Variants in JRK observed in about 807,000 individuals in gnomAD.
JRK encodes Jrk helix-turn-helix protein, also known as jerky protein homolog.
For missense variants in JRK, 720 were observed against 509.2 expected (o/e 1.41, Z -3.98); for synonymous variants, 303 against 218.1 (o/e 1.39, Z -3.43).
the JRK span, among the ~76,000 whole-genome samples, chr8:142,645,704 T>G: frequency 2.1e-4 from 31 of 151,134 alleles, no homozygotes; most frequent in African/African-American, 7.5e-4. Flanking sequence ...TATATATACA[T>G]CCTCTTACTG....
At chr8:142,654,183 C>T (rs1237983887), downstream of JRK, among the ~76,000 whole-genome samples, 1 of 152,118 alleles carries the variant, frequency 6.6e-6, no homozygotes, top group Non-Finnish European at 1.5e-5. Context: ...TGTGGCCCAG[C>T]CCAGAGCACC....
chr8:142,660,422 G>A lies in JRK; in HGVS notation c.*3930C>T, dbSNP rs1554634331. ...CACATTTTGTTATTTTTTGTTTTTA[G>A]AGATTAGGTCTCTCACTCTGTCACC... On this transcript the variant is annotated 3_prime_UTR_variant, in exon 2 of 2. Coordinates refer to ENST00000612905, the MANE Select transcript of JRK (RefSeq NM_003724.4). 2 of 985,134 alleles carry A rather than the reference G, an allele frequency of 2.0e-6. No individual in the cohort carries two copies. The highest frequency in any genetic ancestry group is 1.2e-6 in the Non-Finnish European group (1 of 829,828). 61.0% of individuals were successfully genotyped at this position (985,134 alleles called of 1,614,324 possible).
At chr8:142,669,187 T>TGC (rs1563800109) in intron 1 of JRK, among the ~76,000 whole-genome samples, 1 of 128,800 alleles carries the variant, frequency 7.8e-6, no homozygotes, top group Non-Finnish European at 1.7e-5. Context: ...TGTGTGTGTG[T>TGC]GTGTGTGTGT....
the JRK span, among the ~76,000 whole-genome samples, chr8:142,645,250 A>C: frequency 6.6e-6 from 1 of 152,240 alleles, no homozygotes; most frequent in African/African-American, 2.4e-5. Context: ...CAAGTACTTT[A>C]AATGCGCACA....
At chr8:142,668,550 G>T (rs1847203629) in intron 1 of JRK, among the ~76,000 whole-genome samples, 1 of 150,740 alleles carries the variant, frequency 6.6e-6, no homozygotes, top group Admixed American at 6.6e-5. Context: ...TAGAAAAACT[G>T]GGGGAGACAC....
rs1044621960 is a variant in JRK, at chr8:142,661,120, T to C, written c.*3232A>G. 17 of 985,370 alleles carry C rather than the reference T, an allele frequency of 1.7e-5. No homozygotes were observed. Among genetic ancestry groups the C allele is most frequent in the African/African-American group, 5.2e-5 (3 of 57,232 alleles). 61.0% of individuals were successfully genotyped at this position (985,370 alleles called of 1,614,324 possible). On this transcript the variant is annotated 3_prime_UTR_variant, in exon 2 of 2. Coordinates refer to ENST00000612905, the MANE Select transcript of JRK (RefSeq NM_003724.4). ...CATGGCTGAGCACGAATGAAGCATATGGAAGTCACGCACAGACAGGCCCAG... is the reference window on the plus strand; with the variant it reads ...CATGGCTGAGCACGAATGAAGCATACGGAAGTCACGCACAGACAGGCCCAG...
downstream of JRK, among the ~76,000 whole-genome samples, chr8:142,657,117 C>A (rs1046442585): frequency 1.3e-5 from 2 of 152,224 alleles, no homozygotes; most frequent in Non-Finnish European, 2.9e-5. Flanking sequence ...CTTACAGAAA[C>A]TGGAGGAGCT....
In JRK at chr8:142,659,978, A is replaced by G; in HGVS notation, c.*4374T>C. On this transcript the variant is annotated 3_prime_UTR_variant, in exon 2 of 2. Coordinates refer to ENST00000612905, the MANE Select transcript of JRK (RefSeq NM_003724.4). ...GTCCATGTGTAGAAGCAGAGGCCAG[A>G]GCTGACACCACATGGGCAAAGGAGT... The G allele has an allele frequency of 1.0e-6, 1 of 985,602 alleles. No homozygotes were observed. Among genetic ancestry groups the G allele is most frequent in the Non-Finnish European group, 1.2e-6 (1 of 830,010 alleles). 61.1% of individuals were successfully genotyped at this position (985,602 alleles called of 1,614,324 possible).
At position 142,660,119 on chromosome 8, in the gene JRK, G is replaced by A. The variant is rs73714644; in HGVS notation, c.*4233C>T. 648 of 985,580 alleles carry A rather than the reference G, an allele frequency of 6.6e-4. 1 individual carries two copies. In the African/African-American group the frequency reaches 0.01, roughly 16 times the overall value. 61.1% of individuals were successfully genotyped at this position (985,580 alleles called of 1,614,324 possible). A position where few individuals can be genotyped will look rare whatever the true frequency, so the allele number is the denominator to read the frequency against. ...GTCTACAAGAGCTGGGCAGGGAAGA[G>A]GACAAACAAGGTCTCACAGGTCCAT... On this transcript the variant is annotated 3_prime_UTR_variant, in exon 2 of 2. Coordinates refer to ENST00000612905, the MANE Select transcript of JRK (RefSeq NM_003724.4).
chr8:142,647,254 T>G, the JRK span, among the ~76,000 whole-genome samples: 25 of 152,208 alleles, frequency 1.6e-4, 1 homozygote, highest in South Asian at 5.2e-3. Context: ...GCTTTTACAG[T>G]GCACTTAAAA....
Position 142,666,340 on chromosome 8 carries a change from T to TGA in JRK, c.-284_-283dup. On this transcript the variant is annotated 5_prime_UTR_variant, in exon 2 of 2. Transcript: ENST00000612905. ...CTGCCAATTCTCTCTGTGGAGGAGGTGACCCTGTCAGACTCCCCTCTGCTG... is the reference window on the plus strand; with the variant it reads ...CTGCCAATTCTCTCTGTGGAGGAGGTGAGACCCTGTCAGACTCCCCTCTGCTG... 1.9e-6 allele frequency: 1 copy of TGA among 537,670 alleles called. No homozygotes were observed. Among genetic ancestry groups the TGA allele is most frequent in the Non-Finnish European group, 3.5e-6 (1 of 288,010 alleles). 33.3% of individuals were successfully genotyped at this position (537,670 alleles called of 1,614,324 possible).
rs1314876067 is a variant in JRK at position 142,662,884 on chromosome 8, GTGCTGTGGCT to G, written c.*1458_*1467del. 1 of 984,228 alleles carries G rather than the reference GTGCTGTGGCT, an allele frequency of 1.0e-6. No homozygotes were observed. The highest frequency in any genetic ancestry group is 1.2e-6 in the Non-Finnish European group (1 of 828,928). The allele number at this position is 984,228 out of a possible 1,614,324, so 61.0% of individuals were successfully genotyped here. A position where few individuals can be genotyped will look rare whatever the true frequency, so the allele number is the denominator to read the frequency against. On this transcript the variant is annotated 3_prime_UTR_variant, in exon 2 of 2. Coordinates refer to ENST00000612905, the MANE Select transcript of JRK (RefSeq NM_003724.4). ...AGCAAGAAAAACCTATTTAGGCCGA[GTGCTGTGGCT>G]CACACCTGTAATCCCAGCACTTTAG...
chr8:142,646,349 T>C, the JRK span, among the ~76,000 whole-genome samples: 1 of 152,178 alleles, frequency 6.6e-6, no homozygotes, highest in African/African-American at 2.4e-5. Context: ...ACAAAGATGA[T>C]AACAAACCCT....
Position 142,664,725 on chromosome 8 carries a change from C to G in JRK, c.1334G>C (p.Arg445Thr). ...RQAASWGVAG[R>T]EAEGGRPPAA... ...AGGGGGCCGTCCCCCTTCTGCCTCCCTTCCCGCTACCCCCCAGCTGGCGGC... is the reference window on the plus strand; with the variant it reads ...AGGGGGCCGTCCCCCTTCTGCCTCCGTTCCCGCTACCCCCCAGCTGGCGGC... The change falls in exon 2 of 2, where the codon AGG becomes ACG. Residue 445 changes from arginine to threonine, a missense_variant. Arg to Thr is a moderately conservative substitution (Grantham distance 71, BLOSUM62 -1). Transcript: ENST00000612905. 6.2e-7 allele frequency: 1 copy of G among 1,602,924 alleles called. No homozygotes were observed. Among genetic ancestry groups the G allele is most frequent in the South Asian group, 1.1e-5 (1 of 89,178 alleles).
chr8:142,667,385 C>T (rs782535742), intron 1 of JRK, among the ~76,000 whole-genome samples: 13 of 152,080 alleles, frequency 8.5e-5, no homozygotes, highest in Non-Finnish European at 1.6e-4. Flanking sequence ...CCTGGCTCCA[C>T]AACCACGGCA....
chr8:142,646,143 T>C, the JRK span, among the ~76,000 whole-genome samples: 1 of 152,214 alleles, frequency 6.6e-6, no homozygotes, highest in Non-Finnish European at 1.5e-5. Flanking sequence ...TTTTAATTGT[T>C]CACCTAAATT....
Position 142,658,985 on chromosome 8 carries a change from G to A in JRK, c.*5367C>T. 1.9e-6 allele frequency: 3 copies of A among 1,598,316 alleles called. No individual in the cohort carries two copies. The highest frequency in any genetic ancestry group is 2.6e-6 in the Non-Finnish European group (3 of 1,172,070). On this transcript the variant is annotated 3_prime_UTR_variant, in exon 2 of 2. Transcript: ENST00000612905. ...TTTGCTGCTTCATGGAGGAGCGTCA[G>A]TATGTCCACACCATAGGGGTGTAGT...
At chr8:142,654,927 C>T (rs959886473), downstream of JRK, among the ~76,000 whole-genome samples, 3 of 152,112 alleles carry the variant, frequency 2.0e-5, no homozygotes, top group East Asian at 1.9e-4. Context: ...AGGTCAGCTG[C>T]GGAAGCTCCT....
Position 142,663,970 on chromosome 8 carries a change from C to T in JRK, c.*382G>A. The T allele has an allele frequency of 2.9e-6, 3 of 1,021,574 alleles. No individual in the cohort carries two copies. Among genetic ancestry groups the T allele is most frequent in the Non-Finnish European group, 3.5e-6 (3 of 854,204 alleles). The allele number at this position is 1,021,574 out of a possible 1,614,324, so 63.3% of individuals were successfully genotyped here. On this transcript the variant is annotated 3_prime_UTR_variant, in exon 2 of 2. Coordinates refer to ENST00000612905, the MANE Select transcript of JRK (RefSeq NM_003724.4). ...CCTGTCGGCCTGGAGGGCAACTTCT[C>T]TCCACGTGGACAGACTGACATCTCC...
Sources: gnomAD v4.1 joint callset for allele counts (sites outside exome capture counted in the v4.1 genomes callset) on GRCh38, gnomAD v4.1.1 for gene constraint, MANE v1.5 for transcripts, NCBI Gene and HGNC (gene_info 2026-07-23, HGNC 2026-07-21) for gene names.